The following UTY variants were observed in gnomAD, a reference collection of about 807,000 sequenced individuals.
UTY encodes ubiquitously transcribed tetratricopeptide repeat containing, Y-linked, also known as histone demethylase UTY.
In UTY, 12 loss-of-function variants were observed where a neutral mutation model predicts 32.5. The ratio of observed to expected loss-of-function variants is 0.37; its 90% CI spans 0.24 to 0.60. UTY has a LOEUF of 0.60. Among genes scored for constraint, UTY ranks in the 20% least tolerant of loss-of-function variants. The probability of loss-of-function intolerance (pLI) is 0.69; values close to 1 mark genes in which losing one functional copy is unlikely to be tolerated. For missense variants in UTY, 303 were observed against 299.2 expected (o/e 1.01, Z -0.09); for synonymous variants, 131 against 103.4 (o/e 1.27, Z -1.62).
chrY:13,479,830 A>G lies in UTY; in HGVS notation c.-165T>C. 1 of 193,130 alleles carries G rather than the reference A, an allele frequency of 5.2e-6. No individual in the cohort carries two copies. The highest frequency in any genetic ancestry group is 8.6e-6 in the Non-Finnish European group (1 of 116,436). 48.2% of individuals were successfully genotyped at this position (193,130 alleles called of 400,897 possible). A position where few individuals can be genotyped will look rare whatever the true frequency, so the allele number is the denominator to read the frequency against. On this transcript the variant is annotated 5_prime_UTR_variant, in exon 1 of 30. Coordinates refer to ENST00000545955, the MANE Select transcript of UTY (RefSeq NM_001258249.2). ...AGACTTAAGCTACCGAAGCACGGGC[A>G]GCGGAACTCGGCTACCTGGATCACA...
At chrY:13,354,875 T>C in intron 17 of UTY, 128 bp downstream of exon 17, 1 of 362,648 alleles carries the variant, frequency 2.8e-6, no homozygotes, top group Non-Finnish European at 3.8e-6. Context: ...TATACTCTTA[T>C]CAATTACTTA....
chrY:13,259,779 T>TC (rs2055121024), intron 28 of UTY, among the ~76,000 whole-genome samples: 4 of 34,361 alleles, frequency 1.2e-4, no homozygotes, highest in Non-Finnish European at 2.9e-4. Flanking sequence ...CTCATATTCA[T>TC]CAGTTAGATG....
chrY:13,287,309 T>C, intron 27 of UTY: 4 of 388,316 alleles, frequency 1.0e-5, no homozygotes, highest in Non-Finnish European at 1.5e-5. Flanking sequence ...CAGTTGAAAA[T>C]CCTAAATTCA....
At chrY:13,418,760 T>C (rs2072128391) in intron 4 of UTY, among the ~76,000 whole-genome samples, 1 of 34,029 alleles carries the variant, frequency 2.9e-5, no homozygotes, top group East Asian at 7.7e-4. Flanking sequence ...ATTACATTTT[T>C]AGGTTTTTAG....
intron 18 of UTY, among the ~76,000 whole-genome samples, chrY:13,331,723 G>A: frequency 3.0e-5 from 1 of 33,729 alleles, no homozygotes; most frequent in African/African-American, 1.2e-4. Context: ...GAACATAAAT[G>A]ACCTGATGGA....
At chrY:13,470,322 A>G (rs2078374034) in intron 2 of UTY, 93 bp from the exon 3 acceptor site, 1 of 171,733 alleles carries the variant, frequency 5.8e-6, no homozygotes, top group Non-Finnish European at 9.7e-6. Flanking sequence ...AATCAAAGCA[A>G]CCATAAATGT....
At chrY:13,361,862 G>T (rs1324218913) in intron 10 of UTY, among the ~76,000 whole-genome samples, 4 of 32,928 alleles carry the variant, frequency 1.2e-4, no homozygotes. Flanking sequence ...GTCATTAATG[G>T]GCTGGGAAAT....
chrY:13,393,715 A>T, intron 8 of UTY, 144 bp downstream of exon 8: 1 of 126,548 alleles, frequency 7.9e-6, no homozygotes. Context: ...AGTAGAATAC[A>T]AAATACATGC....
chrY:13,391,251 T>C (rs2067531061), intron 8 of UTY, among the ~76,000 whole-genome samples: 2 of 33,748 alleles, frequency 5.9e-5, no homozygotes, highest in Non-Finnish European at 1.5e-4. Context: ...GATTACTCAC[T>C]GAATAATTTT....
At chrY:13,387,662 C>T (rs2067021529) in intron 8 of UTY, among the ~76,000 whole-genome samples, 1 of 32,324 alleles carries the variant, frequency 3.1e-5, no homozygotes, top group Non-Finnish European at 7.6e-5. Flanking sequence ...ATACAAAAAT[C>T]AGCTGGGCAT....
chrY:13,434,114 T>C (rs754578923), intron 4 of UTY, among the ~76,000 whole-genome samples: 1 of 34,159 alleles, frequency 2.9e-5, no homozygotes, highest in African/African-American at 1.1e-4. Context: ...TACAATATGA[T>C]AGGAACAAAA....
At chrY:13,371,140 T>C in intron 8 of UTY, among the ~76,000 whole-genome samples, 1 of 32,728 alleles carries the variant, frequency 3.1e-5, no homozygotes. Context: ...CCATATGTGA[T>C]AAGCCCTCCA....
chrY:13,404,835 G>T (rs2069630579), intron 6 of UTY, among the ~76,000 whole-genome samples: 3 of 32,900 alleles, frequency 9.1e-5, no homozygotes, highest in Admixed American at 8.4e-4. Context: ...ATGTAAATTG[G>T]TACAGTCATA....
At chrY:13,410,816 T>C (rs2070809450) in intron 6 of UTY, among the ~76,000 whole-genome samples, 177 bp downstream of exon 6, 1 of 34,380 alleles carries the variant, frequency 2.9e-5, no homozygotes, top group Non-Finnish European at 7.3e-5. Flanking sequence ...TCATTTTATA[T>C]CCTGAAACTC....
intron 3 of UTY, among the ~76,000 whole-genome samples, chrY:13,463,731 A>C: frequency 2.9e-5 from 1 of 34,069 alleles, no homozygotes; most frequent in East Asian, 7.7e-4. Context: ...AATGTCTGAA[A>C]ACCTGAGGTA....
At chrY:13,256,142 C>G in intron 28 of UTY, among the ~76,000 whole-genome samples, 1 of 33,575 alleles carries the variant, frequency 3.0e-5, no homozygotes, top group African/African-American at 1.2e-4. Flanking sequence ...CATTAAATTA[C>G]TTTCAAAAAT....
rs1469531525 is a variant in UTY, at chrY:13,297,718, A to T, written c.3999T>A (p.Phe1333Leu). Reference sequence around the variant, plus strand: ...CAGAAGGCACTTACTTAATCATTTCAAAAAGCTTTGGATCTGAGACTTTGA... The same window carrying T: ...CAGAAGGCACTTACTTAATCATTTCTAAAAGCTTTGGATCTGAGACTTTGA... The part of the protein sequence containing the change: ...RNIKVSDPKL[F>L]EMIKYCLLKI... Residue 1333 changes from phenylalanine to leucine, a missense_variant, in exon 27 of 30, where the codon TTT becomes TTA. By Grantham distance (22) the Phe-to-Leu change is conservative. Transcript: ENST00000545955. The T allele has an allele frequency of 2.5e-6, 1 of 398,660 alleles. No individual in the cohort carries two copies. Among genetic ancestry groups the T allele is most frequent in the South Asian group, 3.0e-5 (1 of 33,797 alleles).
chrY:13,275,511 T>C, intron 27 of UTY, among the ~76,000 whole-genome samples: 1 of 33,932 alleles, frequency 2.9e-5, no homozygotes, highest in East Asian at 7.6e-4. Context: ...AAATTCTACA[T>C]GTCTAAAAGC....
chrY:13,375,357 T>C, intron 8 of UTY, among the ~76,000 whole-genome samples: 2 of 33,968 alleles, frequency 5.9e-5, no homozygotes, highest in African/African-American at 2.3e-4. Context: ...TAAAGGTTCA[T>C]TCTTTAGGCT....
Sources: allele counts gnomAD v4.1 joint callset (sites outside exome capture counted in the v4.1 genomes callset), GRCh38; gene constraint gnomAD v4.1.1; transcripts MANE v1.5; gene names NCBI Gene and HGNC (gene_info 2026-07-23, HGNC 2026-07-21).